The following GANAB variants were observed in gnomAD, a reference collection of about 807,000 sequenced individuals.
GANAB encodes glucosidase II alpha subunit, also known as neutral alpha-glucosidase AB.
In GANAB, 35 loss-of-function variants were observed where a neutral mutation model predicts 129.9. That is an observed-to-expected ratio of 0.27 (90% confidence interval 0.21 to 0.36). The LOEUF is 0.36. Among genes scored for constraint, GANAB ranks in the 10% least tolerant of loss-of-function variants. The pLI is 1.00. For missense variants in GANAB, 939 were observed against 1,221.0 expected (o/e 0.77, Z 3.44); for synonymous variants, 482 against 451.8 (o/e 1.07, Z -0.85).
chr11:62,628,713 C>T, intron 17 of GANAB, 56 bp downstream of exon 17: 1 of 1,581,884 alleles, frequency 6.3e-7, no homozygotes, highest in Non-Finnish European at 8.7e-7. Context: ...GAAGCCCAGT[C>T]CCTAATACCC....
chr11:62,641,152 T>C (rs1019825483), intron 1 of GANAB, among the ~76,000 whole-genome samples: 5 of 151,972 alleles, frequency 3.3e-5, no homozygotes, highest in East Asian at 1.9e-4. Flanking sequence ...AAGACCAGCC[T>C]GGCCAACATG....
chr11:62,627,218 G>GTCCC lies in GANAB; in HGVS notation c.2245+67_2245+70dup. The stretch of plus-strand genomic sequence containing the variant: ...GCCCTCTGCACCACCAGCTTCACTA[G>GTCCC]TCCCTCCCTGGGCATCCGCAGTGCT... On this transcript the variant is annotated intron_variant, in intron 18 of 23. Coordinates refer to ENST00000356638, the MANE Select transcript of GANAB (RefSeq NM_198334.3). The GTCCC allele has an allele frequency of 3.6e-6, 5 of 1,383,188 alleles. No homozygotes were observed. The South Asian group carries it at 5.8e-5, about 16-fold the overall frequency. The allele number at this position is 1,383,188 out of a possible 1,614,324, so 85.7% of individuals were successfully genotyped here. A position where few individuals can be genotyped will look rare whatever the true frequency, so the allele number is the denominator to read the frequency against.
At chr11:62,633,622 C>T in intron 5 of GANAB, 108 bp from the exon 6 acceptor site, 4 of 949,000 alleles carry the variant, frequency 4.2e-6, no homozygotes, top group Non-Finnish European at 6.8e-6. Context: ...GGAACGAAGG[C>T]ATTGGAGGAA....
intron 13 of GANAB, 35 bp downstream of exon 13, chr11:62,630,162 G>A: frequency 6.6e-7 from 1 of 1,510,236 alleles, no homozygotes; most frequent in Non-Finnish European, 9.2e-7. Context: ...AGGTGGAACA[G>A]ACAGACGCAG....
intron 1 of GANAB, among the ~76,000 whole-genome samples, chr11:62,640,329 C>G (rs867220493): frequency 7.6e-6 from 1 of 130,998 alleles, no homozygotes; most frequent in East Asian, 2.5e-4. Context: ...GTCAGGAGAT[C>G]GAGACCATCC....
chr11:62,625,909 C>A lies in GANAB; in HGVS notation c.2741G>T (p.Arg914Leu), dbSNP rs140322818. The A allele has an allele frequency of 2.5e-6, 4 of 1,612,616 alleles. No individual in the cohort carries two copies. The highest frequency in any genetic ancestry group is 1.7e-5 in the Admixed American group (1 of 60,014). Residue 914 changes from arginine to leucine, a missense_variant, in exon 24 of 24, where the codon CGC becomes CTC. By Grantham distance (102) the Arg-to-Leu change is moderately radical. Transcript: ENST00000356638. Reference sequence around the variant, plus strand: ...CTCAGGGTCATGCTGGAAGGACAGGCGGCTTTCTGGAGATCCTGGAGGAGG... The same window carrying A: ...CTCAGGGTCATGCTGGAAGGACAGGAGGCTTTCTGGAGATCCTGGAGGAGG... The part of the protein sequence containing the change: ...VLQTKGSPES[R>L]LSFQHDPETS...
At chr11:62,626,201 A>G in intron 22 of GANAB, 36 bp from the exon 23 acceptor site, 2 of 1,477,574 alleles carry the variant, frequency 1.4e-6, no homozygotes, top group Non-Finnish European at 1.9e-6. Context: ...ATCAGGGGGA[A>G]AAATAACAGA....
intron 1 of GANAB, among the ~76,000 whole-genome samples, chr11:62,645,122 C>T (rs999915105): frequency 6.6e-6 from 1 of 152,008 alleles, no homozygotes; most frequent in Non-Finnish European, 1.5e-5. Flanking sequence ...TAAATGCTAC[C>T]ACAAAACTCC....
In GANAB at chr11:62,625,393, G is replaced by C. The variant is rs1319781688; in HGVS notation, c.*422C>G. ...GGAGAGCAATCTGGTGGGAGGGAAGGGGAAAAGGAGCCCTAACTCATTGCC... is the reference window on the plus strand; with the variant it reads ...GGAGAGCAATCTGGTGGGAGGGAAGCGGAAAAGGAGCCCTAACTCATTGCC... On this transcript the variant is annotated 3_prime_UTR_variant, in exon 24 of 24. Transcript: ENST00000356638. 9.4e-6 allele frequency: 4 copies of C among 424,268 alleles called. No homozygotes were observed. The highest frequency in any genetic ancestry group is 1.9e-5 in the Non-Finnish European group (4 of 213,442). 26.3% of individuals were successfully genotyped at this position (424,268 alleles called of 1,614,324 possible).
At position 62,628,206 on chromosome 11, in the gene GANAB, T is replaced by TTC. The variant is rs1943490684; in HGVS notation, c.2180+562_2180+563insGA. 6.4e-3 allele frequency among the ~76,000 whole-genome samples: 5 copies of TTC among 776 alleles called. No individual in the cohort carries two copies. In the South Asian group the frequency reaches 0.16, roughly 24 times the overall value. The allele number at this position is 776 out of a possible 152,430, so 0.5% of individuals were successfully genotyped here. ...TCTCACACAGCCTTCTTCTCAAAAC[T>TTC]TTTTTTTTTTTTTTTTTTTCATTTT... On this transcript the variant is annotated intron_variant, in intron 17 of 23. Coordinates refer to ENST00000356638, the MANE Select transcript of GANAB (RefSeq NM_198334.3).
chr11:62,634,009 C>T, intron 5 of GANAB: 1 of 408,792 alleles, frequency 2.4e-6, no homozygotes, highest in East Asian at 4.3e-5. Flanking sequence ...TAGCTCTGCC[C>T]AGAACCTCAG....
At position 62,629,594 on chromosome 11, in the gene GANAB, G is replaced by A. The variant is rs1368897183; in HGVS notation, c.1828C>T (p.Arg610Cys). 9.4e-6 allele frequency: 15 copies of A among 1,602,866 alleles called. No homozygotes were observed. The highest frequency in any genetic ancestry group is 3.4e-5 in the Admixed American group (2 of 58,814). The change falls in exon 15 of 24, where the codon CGC (arginine) becomes TGC (cysteine). Residue 610 changes from arginine to cysteine, a missense_variant. Arg to Cys is a radical substitution (Grantham distance 180). Around this residue, in one of 5 missense-constraint regions of GANAB, gnomAD observed 147 missense variants for 282.4 expected, o/e 0.52. Coordinates refer to ENST00000356638, the MANE Select transcript of GANAB (RefSeq NM_198334.3). ...TCCATTCTCTAAACCTTACCAAAGCGCTGGGAGCCAGCGAAGAAGGCCCTG... is the reference window on the plus strand; with the variant it reads ...TCCATTCTCTAAACCTTACCAAAGCACTGGGAGCCAGCGAAGAAGGCCCTG... The part of the protein sequence containing the change: ...LARAFFAGSQ[R>C]FGAVWTGDNT...
At position 62,639,410 on chromosome 11, in the gene GANAB, T is replaced by C. The variant is rs1565107832; in HGVS notation, c.201A>G (p.Leu67=). The C allele has an allele frequency of 1.2e-6, 2 of 1,613,602 alleles. No individual in the cohort carries two copies. Among genetic ancestry groups the C allele is most frequent in the South Asian group, 1.1e-5 (1 of 91,062 alleles). The change falls in exon 3 of 24, where the codon CTA becomes CTG. Residue 67 remains leucine, a synonymous_variant. Transcript: ENST00000356638. Reference sequence around the variant, plus strand: ...CCGTGAGGGAATCAGGACCAAGCTGTAGAGAGTCCAGCAAGGCTCGGTATG... The same window carrying C: ...CCGTGAGGGAATCAGGACCAAGCTGCAGAGAGTCCAGCAAGGCTCGGTATG... The part of the protein sequence containing the change: ...LSPYRALLDS[L]QLGPDSLTVH...
chr11:62,630,008 G>A (rs771015133), intron 13 of GANAB, 51 bp from the exon 14 acceptor site: 13 of 1,581,976 alleles, frequency 8.2e-6, no homozygotes, highest in Admixed American at 1.7e-5. Flanking sequence ...GGAGGAAGAA[G>A]ACAAACAGTG....
Position 62,627,035 on chromosome 11 carries a change from T to C in GANAB, c.2322+13A>G. The C allele has an allele frequency of 1.9e-6, 3 of 1,610,492 alleles. No individual in the cohort carries two copies. Among genetic ancestry groups the C allele is most frequent in the South Asian group, 1.1e-5 (1 of 91,004 alleles). On this transcript the variant is annotated intron_variant, in intron 19 of 23. Transcript: ENST00000356638. ...TCCACCATCTTTCCCCACCATGCCC[T>C]TCCTTAACTCACCTCCCCTTGGCCA... is the stretch of plus-strand genomic sequence containing the variant.
At chr11:62,641,617 A>T (rs1944267653) in intron 1 of GANAB, among the ~76,000 whole-genome samples, 1 of 151,802 alleles carries the variant, frequency 6.6e-6, no homozygotes, top group South Asian at 2.1e-4. Flanking sequence ...GTCTCACTCC[A>T]TCACCCTGGC....
Position 62,629,967 on chromosome 11 carries a change from T to C in GANAB, c.1594-10A>G, listed in dbSNP as rs1206897285. 1.9e-6 allele frequency: 3 copies of C among 1,613,370 alleles called. No homozygotes were observed. The highest frequency in any genetic ancestry group is 1.7e-6 in the Non-Finnish European group (2 of 1,179,562). On this transcript the variant is annotated splice_polypyrimidine_tract_variant and intron_variant, in intron 13 of 23. Transcript: ENST00000356638. ...GGTTGGGAGCTGAGCCCTGGGAACG[T>C]GGGCAGAAAATGGGGACAGAAGGAC...
intron 3 of GANAB, 61 bp downstream of exon 3, chr11:62,639,298 T>C: frequency 7.6e-7 from 1 of 1,307,614 alleles, no homozygotes; most frequent in Non-Finnish European, 1.1e-6. Context: ...ATTTCCCCCT[T>C]TCCAAATTAC....
chr11:62,628,635 C>G, intron 17 of GANAB, 134 bp downstream of exon 17: 1 of 888,346 alleles, frequency 1.1e-6, no homozygotes, highest in Non-Finnish European at 1.8e-6. Context: ...AGCTCCCCTT[C>G]ACTCTTGACC....
Sources: gnomAD v4.1 joint callset for allele counts (sites outside exome capture counted in the v4.1 genomes callset) on GRCh38, gnomAD v4.1.1 for gene constraint, gnomAD v4.1.1 regional missense constraint, MANE v1.5 for transcripts, NCBI Gene and HGNC (gene_info 2026-07-23, HGNC 2026-07-21) for gene names.